Variants in UGT1A10 observed in about 807,000 individuals in gnomAD.
UGT1A10 encodes the protein UDP-glucuronosyltransferase 1A10.
UGT1A10 carries 49 observed loss-of-function variants against 45.8 expected under a neutral mutation model. That is an observed-to-expected ratio of 1.07 (90% confidence interval 0.85 to 1.36). The LOEUF (loss-of-function observed/expected upper bound fraction) is 1.36, where lower values mean the gene tolerates loss of function less well. UGT1A10 is among the 40% of genes most tolerant of loss of function. The pLI, the probability that UGT1A10 is intolerant of heterozygous loss-of-function variation, is 0.00. For synonymous variants in UGT1A10, 284 were observed against 249.7 expected (o/e 1.14, Z -1.29); for missense variants, 745 against 668.6 (o/e 1.11, Z -1.26).
intron 1 of UGT1A10, chr2:233,760,271 G>GC: frequency 2.5e-6 from 4 of 1,612,226 alleles, no homozygotes; most frequent in Non-Finnish European, 3.4e-6. Context: ...CGAACCTCTG[G>GC]CAGGAGCAAA....
At chr2:233,729,120 T>G (rs771266076) in intron 1 of UGT1A10, 117 of 1,612,970 alleles carry the variant, frequency 7.3e-5, no homozygotes, top group Non-Finnish European at 9.5e-5. Flanking sequence ...CCGTGTCTTC[T>G]GCTGAGATGG....
At chr2:233,722,921 C>G (rs1255779754) in intron 1 of UGT1A10, among the ~76,000 whole-genome samples, 1 of 128,932 alleles carries the variant, frequency 7.8e-6, no homozygotes, top group African/African-American at 2.9e-5. Flanking sequence ...GGTCTTCATC[C>G]TCATTGTCTC....
chr2:233,743,528 A>G (rs1026990918), intron 1 of UGT1A10: 10 of 1,367,274 alleles, frequency 7.3e-6, no homozygotes, highest in East Asian at 9.1e-5. Flanking sequence ...CTGCTTCCCC[A>G]GCAGTTCCTC....
At chr2:233,701,948 A>G (rs2075662361) in intron 1 of UGT1A10, among the ~76,000 whole-genome samples, 1 of 152,208 alleles carries the variant, frequency 6.6e-6, no homozygotes, top group African/African-American at 2.4e-5. Flanking sequence ...GAAAAGCAAG[A>G]GCAAACACAT....
At chr2:233,730,719 C>T (rs141253229) in intron 1 of UGT1A10, among the ~76,000 whole-genome samples, 4 of 152,168 alleles carry the variant, frequency 2.6e-5, no homozygotes, top group Non-Finnish European at 4.4e-5. Flanking sequence ...CTGAAATTAT[C>T]AAGAAATGGC....
At chr2:233,730,107 G>C (rs2077985691) in intron 1 of UGT1A10, 1 of 1,570,754 alleles carries the variant, frequency 6.4e-7, no homozygotes. Flanking sequence ...TTTCATTTCT[G>C]CTTCTCCTTG....
At chr2:233,666,201 G>A (rs963472457) in intron 1 of UGT1A10, among the ~76,000 whole-genome samples, 4 of 152,142 alleles carry the variant, frequency 2.6e-5, no homozygotes, top group African/African-American at 9.7e-5. Context: ...AGTTCTTGCT[G>A]AAACTAATAG....
intron 1 of UGT1A10, chr2:233,755,307 C>T (rs547203505): frequency 5.2e-6 from 3 of 580,082 alleles, no homozygotes; most frequent in African/African-American, 1.9e-5. Context: ...ACTGGCACAG[C>T]GAGCGGCAAG....
At chr2:233,721,327 T>A (rs1446598744) in intron 1 of UGT1A10, among the ~76,000 whole-genome samples, 1 of 152,156 alleles carries the variant, frequency 6.6e-6, no homozygotes, top group Admixed American at 6.5e-5. Flanking sequence ...TTCTTGTGGT[T>A]TTTCACTATG....
chr2:233,729,993 G>T (rs1356280713), intron 1 of UGT1A10: 1 of 1,613,886 alleles, frequency 6.2e-7, no homozygotes, highest in Non-Finnish European at 8.5e-7. Flanking sequence ...CACTATCTCA[G>T]GTCTGTATTG....
At chr2:233,691,237 T>C in intron 1 of UGT1A10, 1 of 985,554 alleles carries the variant, frequency 1.0e-6, no homozygotes, top group Non-Finnish European at 1.2e-6. Flanking sequence ...CTTATTGCTA[T>C]CTAGATGAAC....
intron 1 of UGT1A10, among the ~76,000 whole-genome samples, chr2:233,639,581 A>C (rs892766406): frequency 6.6e-6 from 1 of 152,144 alleles, no homozygotes; most frequent in African/African-American, 2.4e-5. Context: ...TTGATGATAG[A>C]GTATGTGTTT....
At chr2:233,756,818 C>T (rs1022493170) in intron 1 of UGT1A10, among the ~76,000 whole-genome samples, 38 of 151,930 alleles carry the variant, frequency 2.5e-4, no homozygotes, top group Admixed American at 5.2e-4. Flanking sequence ...CACTCAATTC[C>T]AAGGGGAAAA....
intron 1 of UGT1A10, among the ~76,000 whole-genome samples, chr2:233,726,981 T>C (rs2077575489): frequency 6.6e-6 from 1 of 152,240 alleles, no homozygotes; most frequent in African/African-American, 2.4e-5. Context: ...TAGATTTTGA[T>C]GAGGTTCTTT....
chr2:233,655,716 C>T (rs1344859094), intron 1 of UGT1A10, among the ~76,000 whole-genome samples: 2 of 152,170 alleles, frequency 1.3e-5, no homozygotes, highest in Non-Finnish European at 2.9e-5. Context: ...CCTCAGGGTG[C>T]CTGTCAGGCA....
At position 233,701,169 on chromosome 2, in the gene UGT1A10, G is replaced by A. The variant is rs28899173; in HGVS notation, c.855+63792G>A. 9.8e-3 allele frequency among the ~76,000 whole-genome samples: 1,493 copies of A among 152,126 alleles called. 33 individuals are homozygous for A. Among genetic ancestry groups the A allele is most frequent in the African/African-American group, 0.033 (1,365 of 41,476 alleles). On this transcript the variant is annotated intron_variant, in intron 1 of 4. Coordinates refer to ENST00000344644, the MANE Select transcript of UGT1A10 (RefSeq NM_019075.4). ...AGTCTTTGCTATTGTGAATAGTGCC[G>A]TTATAAACATACATGTGCATGTGTC... is the stretch of plus-strand genomic sequence containing the variant.
In UGT1A10 at chr2:233,772,418, T is replaced by C. The variant is rs768461412; in HGVS notation, c.1452T>C (p.His484=). The change falls in exon 5 of 5, where the codon CAT becomes CAC. Residue 484 remains histidine (H), a synonymous_variant. Transcript: ENST00000344644. ...ACGACCTCACCTGGTACCAGTACCA[T>C]TCCTTGGACGTGATTGGTTTCCTCT... ...AAHDLTWYQY[H]SLDVIGFLLA... 3 of 1,614,060 alleles carry C rather than the reference T, an allele frequency of 1.9e-6. No individual in the cohort carries two copies. In the Admixed American group the frequency reaches 5.0e-5, roughly 27 times the overall value.
At position 233,769,465 on chromosome 2, in the gene UGT1A10, G is replaced by A. The variant is rs34036745; in HGVS notation, c.1295+1026G>A. On this transcript the variant is annotated intron_variant, in intron 4 of 4. Coordinates refer to ENST00000344644, the MANE Select transcript of UGT1A10 (RefSeq NM_019075.4). The surrounding 1 kb of genome is among the most constrained non-coding windows in gnomAD (Gnocchi z 4.4). The stretch of plus-strand genomic sequence containing the variant: ...GGTGCACACGTGTGCATTCATATGC[G>A]TGTGTGTGTGTGTGCGTGTGTTTAT... The A allele has an allele frequency of 1.9e-4, 256 of 1,316,538 alleles. No homozygotes were observed. Among genetic ancestry groups the A allele is most frequent in the Non-Finnish European group, 2.3e-4 (217 of 963,564 alleles). The allele number at this position is 1,316,538 out of a possible 1,614,324, so 81.6% of individuals were successfully genotyped here.
At chr2:233,718,741 C>T in intron 1 of UGT1A10, 2 of 1,611,932 alleles carry the variant, frequency 1.2e-6, no homozygotes, top group Non-Finnish European at 1.7e-6. Flanking sequence ...GGCTCAATGA[C>T]AAGGTAATTA....
Sources: gnomAD v4.1 joint callset for allele counts (sites outside exome capture counted in the v4.1 genomes callset) on GRCh38, gnomAD v4.1.1 for gene constraint, Gnocchi (gnomAD v3.1) non-coding constraint, MANE v1.5 for transcripts, NCBI Gene and HGNC (gene_info 2026-07-23, HGNC 2026-07-21) for gene names.